The following KLHL22 variants were observed in gnomAD, a reference collection of about 807,000 sequenced individuals.
KLHL22 encodes kelch like family member 22, also known as kelch-like protein 22.
A neutral mutation model predicts 60.7 loss-of-function variants in KLHL22; 18 were observed. The ratio of observed to expected loss-of-function variants is 0.30; its 90% CI spans 0.20 to 0.44. The LOEUF is 0.44. Among genes scored for constraint, KLHL22 ranks in the 20% least tolerant of loss-of-function variants. The pLI is 1.00. For synonymous variants in KLHL22, 355 were observed against 354.5 expected, an observed-to-expected ratio of 1.00 and a Z score of -0.01; for missense variants, 596 against 852.3, an observed-to-expected ratio of 0.70 and a Z score of 3.74.
chr22:20,494,077 C>A (rs2053731254), intron 1 of KLHL22, among the ~76,000 whole-genome samples: 1 of 112,540 alleles, frequency 8.9e-6, no homozygotes, highest in South Asian at 3.0e-4. Context: ...AGACTTTGCC[C>A]CCCCCCCAAA....
At chr22:20,477,207 A>C (rs2053429428) in intron 2 of KLHL22, among the ~76,000 whole-genome samples, 1 of 151,626 alleles carries the variant, frequency 6.6e-6, no homozygotes, top group Non-Finnish European at 1.5e-5. Context: ...AGTCTGGCCA[A>C]CATGGTGAAA....
At chr22:20,493,185 A>T (rs5755677) in intron 1 of KLHL22, 39,392 of 471,230 alleles carry the variant, frequency 0.084, 3,302 homozygotes, top group East Asian at 0.47. Context: ...TCTCTTGGGA[A>T]GGGATAAATG....
intron 2 of KLHL22, 35 bp downstream of exon 2, chr22:20,488,950 G>T: frequency 6.3e-7 from 1 of 1,596,832 alleles, no homozygotes; most frequent in Non-Finnish European, 8.6e-7. Flanking sequence ...GATTACCTTT[G>T]TTATTCTTCT....
At chr22:20,446,923 C>T (rs1337595370) in intron 5 of KLHL22, among the ~76,000 whole-genome samples, 1 of 152,246 alleles carries the variant, frequency 6.6e-6, no homozygotes, top group African/African-American at 2.4e-5. Flanking sequence ...TAGCCTTTGT[C>T]TTTCCTTTGC....
At chr22:20,449,440 G>A (rs368552799) in intron 5 of KLHL22, among the ~76,000 whole-genome samples, 1 of 151,626 alleles carries the variant, frequency 6.6e-6, no homozygotes, top group Non-Finnish European at 1.5e-5. Flanking sequence ...TCACTCTGTC[G>A]CCCAGGCTGG....
At chr22:20,456,171 C>G (rs1010554521) in intron 5 of KLHL22, 1 of 152,176 alleles carries the variant, frequency 6.6e-6, no homozygotes, top group Admixed American at 6.5e-5. Context: ...CCTACCAGAG[C>G]CCCCTCCCTG....
At chr22:20,489,649 A>G (rs1232016963) in intron 1 of KLHL22, 2 of 467,468 alleles carry the variant, frequency 4.3e-6, no homozygotes, top group Non-Finnish European at 8.7e-6. Flanking sequence ...TAAAATTGGT[A>G]AAACAATGAA....
chr22:20,462,025 G>A (rs1466546856), intron 4 of KLHL22, among the ~76,000 whole-genome samples: 1 of 152,140 alleles, frequency 6.6e-6, no homozygotes, highest in Non-Finnish European at 1.5e-5. Context: ...TTGAACCTCA[G>A]AGGCGGAGGT....
intron 2 of KLHL22, among the ~76,000 whole-genome samples, chr22:20,471,975 G>A (rs1015444603): frequency 1.3e-5 from 2 of 152,182 alleles, no homozygotes; most frequent in Admixed American, 6.5e-5. Flanking sequence ...GGCCAGGCAC[G>A]GTGACTCACA....
At position 20,471,511 on chromosome 22, in the gene KLHL22, T is replaced by C; in HGVS notation, c.232A>G (p.Met78Val). 1 of 1,613,426 alleles carries C rather than the reference T, an allele frequency of 6.2e-7. No homozygotes were observed. ...ATCTCCTTCAATCCCCCAGCAAACA[T>C]TCCTCTGCAAAGTGAAGACACAAGA... ...LAASCDYFRG[M>V]FAGGLKEMEQ... The change falls in exon 3 of 7, where the codon ATG (methionine) becomes GTG (valine). Residue 78 changes from methionine to valine, a missense_variant. Transcript: ENST00000328879.
chr22:20,489,535 G>T (rs2053647711), intron 1 of KLHL22, among the ~76,000 whole-genome samples: 2 of 152,122 alleles, frequency 1.3e-5, no homozygotes, highest in East Asian at 3.8e-4. Flanking sequence ...GACTGACCTG[G>T]GTTGGAGCCC....
chr22:20,460,461 T>C (rs2053133763), intron 4 of KLHL22, among the ~76,000 whole-genome samples: 1 of 151,652 alleles, frequency 6.6e-6, no homozygotes, highest in South Asian at 2.1e-4. Context: ...ATAAAAAAAT[T>C]AGCCAGGCAT....
In KLHL22 at chr22:20,451,325, T is replaced by C. The variant is rs911374756; in HGVS notation, c.1306-4649A>G. On this transcript the variant is annotated intron_variant, in intron 5 of 6. Coordinates refer to ENST00000328879, the MANE Select transcript of KLHL22 (RefSeq NM_032775.4). ...AGTATGGAGCGGTATGATCCAAACA[T>C]TGACCAGAGGAGCATGCTGGGAGAT... The C allele has an allele frequency of 5.0e-6, 8 of 1,610,418 alleles. No individual in the cohort carries two copies. In the Admixed American group the frequency reaches 1.3e-4, roughly 27 times the overall value.
intron 2 of KLHL22, chr22:20,484,240 G>A (rs565783632): frequency 2.3e-5 from 9 of 399,490 alleles, no homozygotes; most frequent in Middle Eastern, 9.1e-4. Flanking sequence ...TGATCCACCC[G>A]CCTCAGCCTC....
At chr22:20,483,769 G>A (rs879016998) in intron 2 of KLHL22, 3 of 738,930 alleles carry the variant, frequency 4.1e-6, no homozygotes, top group African/African-American at 1.7e-5. Flanking sequence ...AAGTGCTTCT[G>A]GATTTTGCTC....
In KLHL22 at chr22:20,465,486, A is replaced by G; in HGVS notation, c.484T>C (p.Phe162Leu). ...ILDVYRLAEL[F>L]DLSRLTEQLD... ...TGCTCAGTCAGGCGGCTCAAGTCAA[A>G]CAGCTCTGCCAGCCGGTAGACATCG... The change falls in exon 4 of 7, where the codon TTT becomes CTT. Residue 162 changes from phenylalanine (F) to leucine (L), a missense_variant. Physicochemically the swap from Phe to Leu is conservative, Grantham distance 22 (BLOSUM62 0). Transcript: ENST00000328879. The surrounding 1 kb of genome is among the most constrained non-coding windows in gnomAD (Gnocchi z 4.9). 2 of 1,612,680 alleles carry G rather than the reference A, an allele frequency of 1.2e-6. No homozygotes were observed. Among genetic ancestry groups the G allele is most frequent in the Non-Finnish European group, 1.7e-6 (2 of 1,178,698 alleles).
In KLHL22 at chr22:20,457,934, G is replaced by C; in HGVS notation, c.1179C>G (p.Ser393=). 1 of 1,614,128 alleles carries C rather than the reference G, an allele frequency of 6.2e-7. No individual in the cohort carries two copies. Among genetic ancestry groups the C allele is most frequent in the Non-Finnish European group, 8.5e-7 (1 of 1,180,020 alleles). Residue 393 remains serine (S), a synonymous_variant, in exon 5 of 7, where the codon TCC becomes TCG. Transcript: ENST00000328879. The part of the protein sequence containing the change: ...QSLQQEHADL[S]VCVVGRYIYA... The stretch of plus-strand genomic sequence containing the variant: ...AGATGTACCTGCCTACAACACACAC[G>C]GACAGGTCGGCGTGCTCCTGCTGCA...
At chr22:20,479,219 T>C (rs1323789763) in intron 2 of KLHL22, among the ~76,000 whole-genome samples, 2 of 151,870 alleles carry the variant, frequency 1.3e-5, no homozygotes, top group Non-Finnish European at 2.9e-5. Context: ...TAGTTGGGAC[T>C]ATAGGCATGC....
At chr22:20,451,399 A>G (rs2003591) in intron 5 of KLHL22, 121,011 of 1,608,926 alleles carry the variant, frequency 0.075, 9,132 homozygotes, top group East Asian at 0.47. Flanking sequence ...CAGTGGAGTG[A>G]TCCACTGTCT....
Sources: gnomAD v4.1 joint callset for allele counts (sites outside exome capture counted in the v4.1 genomes callset) on GRCh38, gnomAD v4.1.1 for gene constraint, Gnocchi (gnomAD v3.1) non-coding constraint, MANE v1.5 for transcripts, NCBI Gene and HGNC (gene_info 2026-07-23, HGNC 2026-07-21) for gene names.